The following CNTNAP2 variants were observed in gnomAD, a reference collection of about 807,000 sequenced individuals.
CNTNAP2 encodes contactin-associated protein-like 2.
A neutral mutation model predicts 155.2 loss-of-function variants in CNTNAP2; 98 were observed. That is an observed-to-expected ratio of 0.63 (90% confidence interval 0.54 to 0.75). CNTNAP2 has a LOEUF of 0.75. CNTNAP2 is among the 30% of genes least tolerant of loss of function. The pLI is 0.00. For synonymous variants in CNTNAP2, 651 were observed against 631.2 expected (o/e 1.03, Z -0.47); for missense variants, 1,727 against 1,688.1 (o/e 1.02, Z -0.40).
chr7:147,552,574 ACACAC>A (rs1799871719), intron 11 of CNTNAP2, among the ~76,000 whole-genome samples: 2 of 70,310 alleles, frequency 2.8e-5, no homozygotes, highest in African/African-American at 8.1e-5. Flanking sequence ...TTTCCTCAAC[ACACAC>A]ACACACACAC....
intron 8 of CNTNAP2, among the ~76,000 whole-genome samples, chr7:147,174,248 T>G (rs978084473): frequency 1.3e-5 from 2 of 152,168 alleles, no homozygotes; most frequent in African/African-American, 4.8e-5. Context: ...CCCTTACATA[T>G]GTAATTGTCT....
chr7:147,341,211 TCTCA>T (rs1372374722), intron 9 of CNTNAP2, among the ~76,000 whole-genome samples: 2 of 151,952 alleles, frequency 1.3e-5, no homozygotes, highest in African/African-American at 2.4e-5. Context: ...CACTGCATGT[TCTCA>T]CTCATAAGTG....
At chr7:147,269,771 T>G (rs1202261881) in intron 8 of CNTNAP2, among the ~76,000 whole-genome samples, 1 of 152,100 alleles carries the variant, frequency 6.6e-6, no homozygotes, top group African/African-American at 2.4e-5. Context: ...GAGACAAGAC[T>G]AGCTTGTTAC....
intron 18 of CNTNAP2, among the ~76,000 whole-genome samples, chr7:148,177,693 A>C (rs1399260065): frequency 6.6e-6 from 1 of 152,166 alleles, no homozygotes; most frequent in Non-Finnish European, 1.5e-5. Flanking sequence ...TGTACCAAGA[A>C]GGAGATGGTT....
At chr7:146,151,649 T>G (rs62504798) in intron 1 of CNTNAP2, among the ~76,000 whole-genome samples, 1 of 28,536 alleles carries the variant, frequency 3.5e-5, no homozygotes, top group South Asian at 2.3e-3. Context: ...TATATATATA[T>G]ATATATATAT....
chr7:148,119,379 A>AC (rs1804549873), intron 16 of CNTNAP2, among the ~76,000 whole-genome samples: 1 of 151,426 alleles, frequency 6.6e-6, no homozygotes, highest in Non-Finnish European at 1.5e-5. Flanking sequence ...AAAAAAAAAA[A>AC]ATTAGCCAGG....
In CNTNAP2 at chr7:147,241,486, G is replaced by A. The variant is rs140160548; in HGVS notation, c.1349-58655G>A. Among the ~76,000 whole-genome samples, 1,352 of 151,942 alleles carry A rather than the reference G, an allele frequency of 8.9e-3. 23 individuals carry two copies. Among genetic ancestry groups the A allele is most frequent in the African/African-American group, 0.031 (1,269 of 41,422 alleles). On this transcript the variant is annotated intron_variant, in intron 8 of 23. Transcript: ENST00000361727. Reference sequence around the variant, plus strand: ...CTACTAAAAATACAAAAATTACCTGGGCGTGGTTGCATGCGCCTGTAATCC... The same window carrying A: ...CTACTAAAAATACAAAAATTACCTGAGCGTGGTTGCATGCGCCTGTAATCC...
chr7:147,040,456 T>A (rs1378096690), intron 3 of CNTNAP2, among the ~76,000 whole-genome samples: 5 of 130,346 alleles, frequency 3.8e-5, no homozygotes, highest in African/African-American at 9.6e-5. Flanking sequence ...AGTGAATTTT[T>A]TTTTTTTTTT....
chr7:148,377,770 C>T (rs1330760355), intron 21 of CNTNAP2, among the ~76,000 whole-genome samples: 1 of 67,706 alleles, frequency 1.5e-5, no homozygotes, highest in African/African-American at 3.6e-5. Context: ...AGTCATAGAC[C>T]GTCCCTGACT....
At chr7:146,556,352 G>A (rs890096105) in intron 1 of CNTNAP2, among the ~76,000 whole-genome samples, 4 of 152,132 alleles carry the variant, frequency 2.6e-5, no homozygotes, top group Admixed American at 6.6e-5. Flanking sequence ...TGTGACTTTG[G>A]ATGAATTGCT....
intron 13 of CNTNAP2, among the ~76,000 whole-genome samples, chr7:147,645,701 A>AT (rs1795355453): frequency 1.3e-5 from 2 of 152,160 alleles, no homozygotes; most frequent in Admixed American, 1.3e-4. Flanking sequence ...GTCAACAAAT[A>AT]TTTTTTAGTT....
chr7:146,185,011 T>C (rs1798602688), intron 1 of CNTNAP2, among the ~76,000 whole-genome samples: 1 of 152,118 alleles, frequency 6.6e-6, no homozygotes, highest in Admixed American at 6.6e-5. Flanking sequence ...CATCCCATAT[T>C]CCAAAAATCA....
intron 1 of CNTNAP2, among the ~76,000 whole-genome samples, chr7:146,661,103 A>G (rs1195852129): frequency 6.6e-6 from 1 of 152,182 alleles, no homozygotes; most frequent in Non-Finnish European, 1.5e-5. Context: ...GGCATTAAGC[A>G]TCATTCCACT....
At chr7:147,870,142 G>A (rs1799302936) in intron 13 of CNTNAP2, among the ~76,000 whole-genome samples, 1 of 152,128 alleles carries the variant, frequency 6.6e-6, no homozygotes, top group East Asian at 1.9e-4. Flanking sequence ...GCCAAGACAA[G>A]AATATATGTG....
chr7:146,926,067 G>C (rs1796602325), intron 3 of CNTNAP2, among the ~76,000 whole-genome samples: 1 of 152,108 alleles, frequency 6.6e-6, no homozygotes, highest in African/African-American at 2.4e-5. Context: ...GCCTTGATTG[G>C]AGATAATAAT....
chr7:146,506,326 T>C (rs1232809883), intron 1 of CNTNAP2, among the ~76,000 whole-genome samples: 1 of 152,240 alleles, frequency 6.6e-6, no homozygotes. Flanking sequence ...CAGCTGTCTC[T>C]GTCTGGGGTA....
intron 13 of CNTNAP2, among the ~76,000 whole-genome samples, chr7:147,855,111 C>T (rs929482283): frequency 6.6e-6 from 1 of 152,118 alleles, no homozygotes; most frequent in Non-Finnish European, 1.5e-5. Flanking sequence ...ACATATGCGG[C>T]TCACATTGTA....
intron 22 of CNTNAP2, among the ~76,000 whole-genome samples, chr7:148,390,124 A>G (rs1799313933): frequency 6.6e-6 from 1 of 152,236 alleles, no homozygotes; most frequent in Admixed American, 6.5e-5. Flanking sequence ...ATGAAAAACA[A>G]TAAAGCCGTT....
At chr7:148,305,053 CAAA>C (rs71188964) in intron 21 of CNTNAP2, among the ~76,000 whole-genome samples, 1 of 109,776 alleles carries the variant, frequency 9.1e-6, no homozygotes, top group Non-Finnish European at 1.8e-5. Context: ...CCTGTCTCTA[CAAA>C]AAAAAAAAAA....
Sources: gnomAD v4.1 joint callset for allele counts (sites outside exome capture counted in the v4.1 genomes callset) on GRCh38, gnomAD v4.1.1 for gene constraint, MANE v1.5 for transcripts, NCBI Gene and HGNC (gene_info 2026-07-23, HGNC 2026-07-21) for gene names.